PRH1: variants seen among roughly 807,000 people sequenced by gnomAD.
PRH1 encodes proline rich protein HaeIII subfamily 1.
Under a neutral mutation model 7.9 loss-of-function variants are expected in PRH1, and 7 were observed. The ratio of observed to expected loss-of-function variants is 0.89; its 90% CI spans 0.50 to 1.67. PRH1 has a LOEUF of 1.67. Among genes scored for constraint, PRH1 ranks in the 40% most tolerant of loss-of-function variants. The probability of loss-of-function intolerance (pLI) is 0.00; values close to 1 mark genes in which losing one functional copy is unlikely to be tolerated. For missense variants in PRH1, 109 were observed against 223.6 expected, an observed-to-expected ratio of 0.49 and a Z score of 3.27; for synonymous variants, 45 against 80.8, an observed-to-expected ratio of 0.56 and a Z score of 2.38.
intron 2 of PRH1, among the ~76,000 whole-genome samples, chr12:10,927,055 T>C (rs1950133265): frequency 6.6e-6 from 1 of 152,180 alleles, no homozygotes; most frequent in Non-Finnish European, 1.5e-5. Context: ...GGTGAGAGCA[T>C]AGCTGGTATT....
At chr12:10,884,096 T>C (rs372016966) in intron 1 of PRH1, 58 bp downstream of exon 1, 6 of 1,605,926 alleles carry the variant, frequency 3.7e-6, no homozygotes, top group Non-Finnish European at 5.1e-6. Context: ...TCCTCCTCTA[T>C]AGCATTTGCC....
chr12:11,110,323 A>G (rs1464974242), intron 1 of PRH1, among the ~76,000 whole-genome samples: 4 of 152,188 alleles, frequency 2.6e-5, no homozygotes, highest in Non-Finnish European at 5.9e-5. Context: ...AGAGAACACC[A>G]CAAAGATACT....
At chr12:11,012,944 A>G (rs1000006978) in intron 1 of PRH1, among the ~76,000 whole-genome samples, 8 of 152,116 alleles carry the variant, frequency 5.3e-5, no homozygotes, top group Non-Finnish European at 5.9e-5. Context: ...AAAAGGCAAA[A>G]ATTATATATT....
At chr12:11,094,340 A>C (rs182527480) in intron 1 of PRH1, among the ~76,000 whole-genome samples, 1 of 109,332 alleles carries the variant, frequency 9.1e-6, no homozygotes, top group South Asian at 2.5e-4. Flanking sequence ...ACGTCAAACG[A>C]CATGTGAGAT....
chr12:11,158,302 A>G (rs1401566060), intron 1 of PRH1, among the ~76,000 whole-genome samples: 1 of 152,194 alleles, frequency 6.6e-6, no homozygotes, highest in Non-Finnish European at 1.5e-5. Context: ...TAGTCAAAGT[A>G]GCACTACACA....
chr12:10,964,547 G>A (rs1938408785), intron 2 of PRH1: 1 of 307,040 alleles, frequency 3.3e-6, no homozygotes, highest in African/African-American at 2.2e-5. Flanking sequence ...GTATATAATT[G>A]CAGTAGTTTG....
intron 2 of PRH1, among the ~76,000 whole-genome samples, chr12:10,944,370 TGTTGTTG>T (rs1473279192): frequency 6.6e-6 from 1 of 152,160 alleles, no homozygotes; most frequent in Non-Finnish European, 1.5e-5. Context: ...CTGATTTGAT[TGTTGTTG>T]GTTTATAGGA....
At chr12:10,921,917 C>A (rs1194091734) in intron 2 of PRH1, among the ~76,000 whole-genome samples, 1 of 152,080 alleles carries the variant, frequency 6.6e-6, no homozygotes, top group East Asian at 1.9e-4. Flanking sequence ...CAAAGGTGCA[C>A]CACCATACCC....
chr12:11,069,526 A>T (rs1565618554), intron 1 of PRH1, among the ~76,000 whole-genome samples: 1 of 151,990 alleles, frequency 6.6e-6, no homozygotes, highest in Non-Finnish European at 1.5e-5. Flanking sequence ...TAAAATCAGG[A>T]AAGGGCATCA....
At chr12:10,987,735 A>G (rs1358479962) in intron 1 of PRH1, among the ~76,000 whole-genome samples, 1 of 152,106 alleles carries the variant, frequency 6.6e-6, no homozygotes, top group Non-Finnish European at 1.5e-5. Context: ...CATATCTTTC[A>G]TGCTTAAGCA....
chr12:11,092,878 C>A (rs1944974116), intron 1 of PRH1, among the ~76,000 whole-genome samples: 1 of 114,640 alleles, frequency 8.7e-6, no homozygotes, highest in Non-Finnish European at 2.1e-5. Context: ...AGTGTCAAGC[C>A]AGAAATAACC....
intron 1 of PRH1, chr12:10,997,700 A>T (rs775659847): frequency 5.6e-6 from 9 of 1,613,876 alleles, no homozygotes; most frequent in Admixed American, 1.7e-5. Flanking sequence ...TATTACCCAG[A>T]GCAAACCAAC....
chr12:10,914,157 T>C (rs1357723990), intron 2 of PRH1, among the ~76,000 whole-genome samples: 3 of 152,222 alleles, frequency 2.0e-5, no homozygotes, highest in Non-Finnish European at 2.9e-5. Flanking sequence ...CCTGTGGTTA[T>C]GTGGGAGGTA....
chr12:11,167,381 A>G (rs2136470189), intron 1 of PRH1, among the ~76,000 whole-genome samples: 1 of 151,942 alleles, frequency 6.6e-6, no homozygotes, highest in Middle Eastern at 3.5e-3. Context: ...GAAATGCCAG[A>G]GAACTCTTCT....
At chr12:10,938,829 T>A in intron 2 of PRH1, 2 of 1,613,654 alleles carry the variant, frequency 1.2e-6, no homozygotes, top group East Asian at 4.5e-5. Context: ...ACCACCTTTT[T>A]AACCCTCCAC....
At chr12:11,114,673 A>G (rs1945682065) in intron 1 of PRH1, among the ~76,000 whole-genome samples, 3 of 152,146 alleles carry the variant, frequency 2.0e-5, no homozygotes, top group South Asian at 4.1e-4. Flanking sequence ...AATAGCCACA[A>G]CAACCTTTGA....
chr12:11,094,013 G>T (rs1945011537), intron 1 of PRH1, among the ~76,000 whole-genome samples: 1 of 114,552 alleles, frequency 8.7e-6, no homozygotes, highest in Admixed American at 8.8e-5. Context: ...AATCACGACA[G>T]CCATCCACCA....
At chr12:11,158,508 T>C (rs1322600109) in intron 1 of PRH1, among the ~76,000 whole-genome samples, 3 of 152,184 alleles carry the variant, frequency 2.0e-5, no homozygotes, top group Admixed American at 2.0e-4. Context: ...TTTATTTATA[T>C]TCCATTATAA....
chr12:11,100,746 C>G (rs1309383435), intron 1 of PRH1, among the ~76,000 whole-genome samples: 2 of 152,102 alleles, frequency 1.3e-5, no homozygotes, highest in African/African-American at 2.4e-5. Context: ...CTACAGCAGT[C>G]AAAGTAGCAT....
Sources: allele counts gnomAD v4.1 joint callset (sites outside exome capture counted in the v4.1 genomes callset), GRCh38; gene constraint gnomAD v4.1.1; transcripts MANE v1.5; gene names NCBI Gene and HGNC (gene_info 2026-07-23, HGNC 2026-07-21).